Variants in SMAGP observed in about 807,000 individuals in gnomAD.
The protein encoded by SMAGP is small cell adhesion glycoprotein.
SMAGP carries 7 observed loss-of-function variants against 10.1 expected under a neutral mutation model. That is an observed-to-expected ratio of 0.70 (90% CI 0.40 to 1.31). The LOEUF (loss-of-function observed/expected upper bound fraction) is 1.31, where lower values mean the gene tolerates loss of function less well. Ranked by LOEUF, SMAGP falls within the 50% of genes most tolerant of loss-of-function variation. SMAGP has a pLI of 0.01. For missense variants in SMAGP, 113 were observed against 116.5 expected (o/e 0.97, Z 0.14); for synonymous variants, 49 against 47.2 (o/e 1.04, Z -0.16).
At chr12:51,255,281 C>A (rs558428203) in intron 2 of SMAGP, among the ~76,000 whole-genome samples, 1 of 152,184 alleles carries the variant, frequency 6.6e-6, no homozygotes, top group Non-Finnish European at 1.5e-5. Flanking sequence ...AAATGGTTCT[C>A]CCTCCTTGGC....
chr12:51,259,926 G>A (rs548182109), intron 2 of SMAGP, among the ~76,000 whole-genome samples: 36 of 151,960 alleles, frequency 2.4e-4, no homozygotes, highest in Non-Finnish European at 4.1e-4. Flanking sequence ...TGTTGCCCAC[G>A]CTGGTCTTGA....
chr12:51,250,500 GTT>G (rs373705718), intron 2 of SMAGP, among the ~76,000 whole-genome samples: 9 of 88,070 alleles, frequency 1.0e-4, no homozygotes, highest in South Asian at 3.9e-4. Flanking sequence ...TTGTTGTTGT[GTT>G]TTTTTTTTGT....
chr12:51,254,208 A>G (rs1213128484), intron 2 of SMAGP, among the ~76,000 whole-genome samples: 2 of 151,884 alleles, frequency 1.3e-5, no homozygotes, highest in Non-Finnish European at 2.9e-5. Flanking sequence ...CAATTAAAAA[A>G]CCCTCTGTTT....
At chr12:51,246,886 G>T in intron 2 of SMAGP, 55 bp from the exon 3 acceptor site, 1 of 1,388,572 alleles carries the variant, frequency 7.2e-7, no homozygotes, top group Non-Finnish European at 9.7e-7. Flanking sequence ...TTGTTTGAAA[G>T]CATATGTTTG....
chr12:51,247,512 G>A (rs781710253), intron 2 of SMAGP, among the ~76,000 whole-genome samples: 2 of 152,062 alleles, frequency 1.3e-5, no homozygotes, highest in Admixed American at 6.6e-5. Flanking sequence ...CCTTCAGAGC[G>A]TGAAAGTCCC....
intron 2 of SMAGP, among the ~76,000 whole-genome samples, chr12:51,260,250 G>A (rs890703896): frequency 7.4e-6 from 1 of 134,934 alleles, no homozygotes; most frequent in Non-Finnish European, 1.5e-5. Context: ...CTCTGCTCAC[G>A]ACAGATCTTG....
intron 2 of SMAGP, among the ~76,000 whole-genome samples, chr12:51,260,508 T>C (rs1224830301): frequency 7.5e-5 from 11 of 146,686 alleles, no homozygotes; most frequent in African/African-American, 2.5e-4. Flanking sequence ...TCCTGAGTAG[T>C]TGGGACTACA....
intron 2 of SMAGP, among the ~76,000 whole-genome samples, chr12:51,259,138 A>AAT (rs1436014233): frequency 6.6e-6 from 1 of 152,162 alleles, no homozygotes; most frequent in Non-Finnish European, 1.5e-5. Context: ...TGTCTCAAAA[A>AAT]ATATATATTG....
At chr12:51,265,875 G>T (rs1393307749) in intron 2 of SMAGP, among the ~76,000 whole-genome samples, 2 of 152,296 alleles carry the variant, frequency 1.3e-5, no homozygotes, top group South Asian at 4.1e-4. Flanking sequence ...GAGGTCAGGA[G>T]ATCAAGACCA....
At chr12:51,267,771 G>T (rs1028371639) in intron 2 of SMAGP, among the ~76,000 whole-genome samples, 8 of 152,024 alleles carry the variant, frequency 5.3e-5, no homozygotes, top group African/African-American at 1.9e-4. Context: ...AATTACAGGC[G>T]TGAGCCACCA....
chr12:51,252,448 G>A (rs1423368796), intron 2 of SMAGP, among the ~76,000 whole-genome samples: 1 of 151,356 alleles, frequency 6.6e-6, no homozygotes, highest in Non-Finnish European at 1.5e-5. Flanking sequence ...CTGGAGTGCA[G>A]TGGCTTCATC....
In SMAGP at chr12:51,270,334, G is replaced by A. The variant is rs1592239802; in HGVS notation, c.-117C>T. The A allele has an allele frequency of 5.8e-6, 1 of 172,866 alleles. No individual in the cohort carries two copies. The highest frequency in any genetic ancestry group is 1.5e-4 in the East Asian group (1 of 6,648). 10.7% of individuals were successfully genotyped at this position (172,866 alleles called of 1,614,324 possible). ...TTTGAACTCAACGGGGGCGGGCACC[G>A]CGGAGTCGCGGAGGCCAGCAGAGGC... On this transcript the variant is annotated 5_prime_UTR_variant, in exon 1 of 4. Coordinates refer to ENST00000603798, the MANE Select transcript of SMAGP (RefSeq NM_001031628.2).
At chr12:51,261,300 T>A (rs975660527) in intron 2 of SMAGP, among the ~76,000 whole-genome samples, 13 of 151,914 alleles carry the variant, frequency 8.6e-5, no homozygotes, top group Non-Finnish European at 1.6e-4. Context: ...TTTCACCATG[T>A]TGGCCAGGCT....
intron 2 of SMAGP, among the ~76,000 whole-genome samples, chr12:51,258,973 C>A: frequency 7.1e-6 from 1 of 140,094 alleles, no homozygotes. Context: ...ATGGGGAGAC[C>A]CTGTCTCTAC....
At chr12:51,265,867 G>A (rs916221370) in intron 2 of SMAGP, among the ~76,000 whole-genome samples, 6 of 152,174 alleles carry the variant, frequency 3.9e-5, no homozygotes, top group African/African-American at 1.4e-4. Context: ...CGGATCACGA[G>A]GTCAGGAGAT....
At chr12:51,258,023 C>T (rs1409679964) in intron 2 of SMAGP, among the ~76,000 whole-genome samples, 1 of 152,082 alleles carries the variant, frequency 6.6e-6, no homozygotes, top group Non-Finnish European at 1.5e-5. Flanking sequence ...AAGCAATAGC[C>T]AGGCATGGTG....
chr12:51,256,741 C>CCA (rs1944888257), intron 2 of SMAGP, among the ~76,000 whole-genome samples: 1 of 145,788 alleles, frequency 6.9e-6, no homozygotes, highest in Non-Finnish European at 1.5e-5. Flanking sequence ...AACAAACAAA[C>CCA]AAAAAAAACA....
chr12:51,259,806 T>C (rs1041583498), intron 2 of SMAGP, among the ~76,000 whole-genome samples: 1 of 152,156 alleles, frequency 6.6e-6, no homozygotes, highest in Admixed American at 6.5e-5. Flanking sequence ...CTTGAACTCC[T>C]GGGCTCAGGC....
intron 2 of SMAGP, among the ~76,000 whole-genome samples, chr12:51,265,847 C>G (rs2137311345): frequency 6.6e-6 from 1 of 152,266 alleles, no homozygotes; most frequent in South Asian, 2.1e-4. Flanking sequence ...CTTTGGGAGG[C>G]CGAGGTGGGC....
Sources: allele counts gnomAD v4.1 joint callset (sites outside exome capture counted in the v4.1 genomes callset), GRCh38; gene constraint gnomAD v4.1.1; transcripts MANE v1.5; gene names NCBI Gene and HGNC (gene_info 2026-07-23, HGNC 2026-07-21).